VTI1A: variants seen among roughly 807,000 people sequenced by gnomAD.
VTI1A encodes the protein vesicle transport through interaction with t-SNAREs homolog 1A.
A neutral mutation model predicts 34.9 loss-of-function variants in VTI1A; 22 were observed. The ratio of observed to expected loss-of-function variants is 0.63; its 90% CI spans 0.45 to 0.90. The LOEUF (loss-of-function observed/expected upper bound fraction) is 0.90. Among genes scored for constraint, VTI1A ranks in the 40% least tolerant of loss-of-function variants. The probability of loss-of-function intolerance (pLI) is 0.00; values close to 1 mark genes in which losing one functional copy is unlikely to be tolerated. For synonymous variants in VTI1A, 87 were observed against 97.3 expected, an observed-to-expected ratio of 0.89 and a Z score of 0.62; for missense variants, 268 against 275.6, an observed-to-expected ratio of 0.97 and a Z score of 0.20.
intron 3 of VTI1A, among the ~76,000 whole-genome samples, chr10:112,505,431 T>C (rs1259488343): frequency 6.6e-6 from 1 of 152,218 alleles, no homozygotes; most frequent in Non-Finnish European, 1.5e-5. Flanking sequence ...CTGTAAGTAA[T>C]GATGGTTTTA....
In VTI1A at chr10:112,596,149, C is replaced by G. The variant is rs924250352; in HGVS notation, c.427+57819C>G. Among the ~76,000 whole-genome samples, 21 of 131,720 alleles carry G rather than the reference C, an allele frequency of 1.6e-4. 1 individual carries two copies. Among genetic ancestry groups the G allele is most frequent in the African/African-American group, 5.7e-4 (19 of 33,238 alleles). The allele number at this position is 131,720 out of a possible 152,430, so 86.4% of individuals were successfully genotyped here. On this transcript the variant is annotated intron_variant, in intron 5 of 7. Transcript: ENST00000393077. The stretch of plus-strand genomic sequence containing the variant: ...GACACAGGAAGGGGAACATCACACT[C>G]TGGGGACTGTTGTGGGGTGGAGTGA...
At chr10:112,777,739 A>G (rs1387399544) in intron 7 of VTI1A, among the ~76,000 whole-genome samples, 1 of 152,190 alleles carries the variant, frequency 6.6e-6, no homozygotes, top group Non-Finnish European at 1.5e-5. Flanking sequence ...CTCTTCACTA[A>G]GGAAGTGCTG....
chr10:112,461,719 T>C (rs987310016), intron 2 of VTI1A, among the ~76,000 whole-genome samples: 1 of 152,164 alleles, frequency 6.6e-6, no homozygotes, highest in Non-Finnish European at 1.5e-5. Flanking sequence ...GTTGCTTTTC[T>C]ATTTTATTTT....
intron 7 of VTI1A, among the ~76,000 whole-genome samples, chr10:112,760,361 A>C (rs933951066): frequency 6.6e-6 from 1 of 150,438 alleles, no homozygotes; most frequent in Non-Finnish European, 1.5e-5. Context: ...TGTAATAAAA[A>C]TTCGGTGAAT....
intron 7 of VTI1A, among the ~76,000 whole-genome samples, chr10:112,790,041 A>G (rs1320106937): frequency 6.6e-6 from 1 of 151,796 alleles, no homozygotes; most frequent in African/African-American, 2.4e-5. Flanking sequence ...ACAAGAGTCT[A>G]GTATTTTTAA....
chr10:112,477,506 G>A (rs1407368379), intron 3 of VTI1A, among the ~76,000 whole-genome samples: 1 of 152,208 alleles, frequency 6.6e-6, no homozygotes, highest in Non-Finnish European at 1.5e-5. Context: ...GTTCTGTTAA[G>A]TATTATTTAA....
chr10:112,821,964 G>T (rs543358275), downstream of VTI1A, among the ~76,000 whole-genome samples: 65 of 152,270 alleles, frequency 4.3e-4, no homozygotes, highest in South Asian at 8.7e-3. Flanking sequence ...CCCACCCCTA[G>T]AGAGGCCGTC....
intron 5 of VTI1A, among the ~76,000 whole-genome samples, chr10:112,638,473 A>C (rs1264749756): frequency 6.6e-6 from 1 of 152,226 alleles, no homozygotes; most frequent in African/African-American, 2.4e-5. Context: ...AACTTATAGC[A>C]ATCCCCTAAA....
intron 7 of VTI1A, among the ~76,000 whole-genome samples, chr10:112,681,976 A>G (rs1292568144): frequency 1.3e-5 from 2 of 152,200 alleles, no homozygotes; most frequent in Admixed American, 1.3e-4. Flanking sequence ...TAGTTATTAG[A>G]AAACTTGCTC....
intron 5 of VTI1A, among the ~76,000 whole-genome samples, chr10:112,593,446 ATGTGGG>A (rs754964074): frequency 6.6e-6 from 1 of 152,230 alleles, no homozygotes; most frequent in Non-Finnish European, 1.5e-5. Flanking sequence ...TCTTCAGAGC[ATGTGGG>A]TGTCAGTAGT....
chr10:112,480,920 G>A (rs746867598), intron 3 of VTI1A, among the ~76,000 whole-genome samples: 1 of 152,176 alleles, frequency 6.6e-6, no homozygotes, highest in Non-Finnish European at 1.5e-5. Flanking sequence ...GATCCTCTAT[G>A]CAGCAGAGTT....
chr10:112,653,147 T>C (rs1451779228), intron 5 of VTI1A, among the ~76,000 whole-genome samples: 2 of 152,332 alleles, frequency 1.3e-5, no homozygotes, highest in Non-Finnish European at 2.9e-5. Flanking sequence ...TACGAAGTCA[T>C]TTACTCAGTG....
At chr10:112,519,474 A>G (rs1028626468) in intron 3 of VTI1A, among the ~76,000 whole-genome samples, 7 of 152,160 alleles carry the variant, frequency 4.6e-5, no homozygotes, top group Admixed American at 6.6e-5. Flanking sequence ...TATTCTAGCT[A>G]TTGATAGCAA....
chr10:112,578,300 G>T (rs1472877595), intron 5 of VTI1A, among the ~76,000 whole-genome samples: 2 of 152,168 alleles, frequency 1.3e-5, no homozygotes, highest in South Asian at 2.1e-4. Context: ...CAGCAATTTG[G>T]CTCTGAGGAT....
chr10:112,779,433 T>C (rs1852048960), intron 7 of VTI1A, among the ~76,000 whole-genome samples: 1 of 152,246 alleles, frequency 6.6e-6, no homozygotes, highest in Non-Finnish European at 1.5e-5. Flanking sequence ...CTGTTACCCA[T>C]AAAATAAGTT....
chr10:112,514,841 C>T (rs1266848477), intron 3 of VTI1A, among the ~76,000 whole-genome samples: 1 of 151,782 alleles, frequency 6.6e-6, no homozygotes, highest in Non-Finnish European at 1.5e-5. Flanking sequence ...TTTTAACTAC[C>T]AATAATGAGG....
intron 7 of VTI1A, among the ~76,000 whole-genome samples, chr10:112,707,083 G>A (rs1167488363): frequency 2.0e-5 from 3 of 152,106 alleles, no homozygotes; most frequent in Non-Finnish European, 2.9e-5. Context: ...TTCAGAAAGG[G>A]TTAAAGAACA....
At chr10:112,603,623 A>C (rs1428805450) in intron 5 of VTI1A, among the ~76,000 whole-genome samples, 2 of 152,090 alleles carry the variant, frequency 1.3e-5, no homozygotes, top group African/African-American at 4.8e-5. Flanking sequence ...ATCTCAAAAT[A>C]TATCCTAGGA....
At chr10:112,597,566 G>A (rs1452079894) in intron 5 of VTI1A, among the ~76,000 whole-genome samples, 1 of 151,574 alleles carries the variant, frequency 6.6e-6, no homozygotes, top group Non-Finnish European at 1.5e-5. Flanking sequence ...ACCAAGCCAG[G>A]TACAGTGGTA....
Sources: gnomAD v4.1 joint callset for allele counts (sites outside exome capture counted in the v4.1 genomes callset) on GRCh38, gnomAD v4.1.1 for gene constraint, MANE v1.5 for transcripts, NCBI Gene and HGNC (gene_info 2026-07-23, HGNC 2026-07-21) for gene names.